SIRPA: variants seen among roughly 807,000 people sequenced by gnomAD.
SIRPA encodes signal regulatory protein alpha.
Under a neutral mutation model 50.3 loss-of-function variants are expected in SIRPA, and 9 were observed. That is an observed-to-expected ratio of 0.18 (90% confidence interval 0.11 to 0.31). The LOEUF is 0.31. Among genes scored for constraint, SIRPA ranks in the 10% least tolerant of loss-of-function variants. SIRPA has a pLI of 1.00. For synonymous variants in SIRPA, 265 were observed against 284.1 expected (o/e 0.93, Z 0.68); for missense variants, 474 against 661.6 (o/e 0.72, Z 3.11).
At chr20:1,919,010 G>C (rs899454808) in intron 2 of SIRPA, among the ~76,000 whole-genome samples, 2 of 152,194 alleles carry the variant, frequency 1.3e-5, no homozygotes, top group African/African-American at 4.8e-5. Flanking sequence ...CAGGAGTTGG[G>C]ACCGAATGAG....
rs967820235 is a variant in SIRPA at position 1,939,705 on chromosome 20, A to C, written c.*2137A>C. The C allele has an allele frequency of 1.3e-5, 2 of 152,662 alleles. No homozygotes were observed. The highest frequency in any genetic ancestry group is 4.8e-5 in the African/African-American group (2 of 41,450). The allele number at this position is 152,662 out of a possible 1,614,324, so 9.5% of individuals were successfully genotyped here. A position where few individuals can be genotyped will look rare whatever the true frequency, so the allele number is the denominator to read the frequency against. On this transcript the variant is annotated 3_prime_UTR_variant, in exon 8 of 8. Coordinates refer to ENST00000358771, the MANE Select transcript of SIRPA (RefSeq NM_001040023.2). The surrounding 1 kb of genome is among the most constrained non-coding windows in gnomAD (Gnocchi z 4.7). Reference sequence around the variant, plus strand: ...TAGCTTTAGCCTGGCAACCTGGAGAATCCACATACCTTGTGTATTGAACCC... The same window carrying C: ...TAGCTTTAGCCTGGCAACCTGGAGACTCCACATACCTTGTGTATTGAACCC...
At chr20:1,922,948 G>A (rs1344148764) in intron 4 of SIRPA, among the ~76,000 whole-genome samples, 1 of 152,140 alleles carries the variant, frequency 6.6e-6, no homozygotes, top group Non-Finnish European at 1.5e-5. Flanking sequence ...CCTGACAGTT[G>A]TCATGCTCCC....
At chr20:1,923,798 G>C (rs180694193) in intron 4 of SIRPA, among the ~76,000 whole-genome samples, 173 of 152,336 alleles carry the variant, frequency 1.1e-3, no homozygotes, top group African/African-American at 3.9e-3. Flanking sequence ...GCCTCTCTCT[G>C]GGCCTCCACT....
chr20:1,931,441 T>A (rs1473007085), intron 6 of SIRPA, among the ~76,000 whole-genome samples: 1 of 152,188 alleles, frequency 6.6e-6, no homozygotes. Flanking sequence ...CTTCTTGCTG[T>A]CTATTTCTTC....
Position 1,927,038 on chromosome 20 carries a change from T to C in SIRPA, c.1202-837T>C, listed in dbSNP as rs1392768510. Among the ~76,000 whole-genome samples, 1 of 152,192 alleles carries C rather than the reference T, an allele frequency of 6.6e-6. No homozygotes were observed. ...CACTTTGCAACCTGTCAGCCTCCAC[T>C]CAGACTTTCGGTGCTGAGCACAGCT... On this transcript the variant is annotated intron_variant, in intron 5 of 7. Coordinates refer to ENST00000358771, the MANE Select transcript of SIRPA (RefSeq NM_001040023.2). The surrounding 1 kb of genome is among the most constrained non-coding windows in gnomAD (Gnocchi z 6.5).
chr20:1,910,446 C>T (rs1984821504), intron 1 of SIRPA, among the ~76,000 whole-genome samples: 1 of 152,222 alleles, frequency 6.6e-6, no homozygotes, highest in Non-Finnish European at 1.5e-5. Flanking sequence ...CATCCTACCT[C>T]AGTCCCATTT....
rs1983969645 is a variant in SIRPA, at chr20:1,898,587, CTT to C, written c.79+3062_79+3063del. On this transcript the variant is annotated intron_variant, in intron 1 of 7. Coordinates refer to ENST00000358771, the MANE Select transcript of SIRPA (RefSeq NM_001040023.2). This position sits in a 1 kb window ranked among gnomAD's most constrained non-coding sequence, Gnocchi z 4.3. ...ATCGAGTCCCAAACTGGGGAACTAACTTATAAGTGATAGAGAGGAGCCAGGAT... is the reference window on the plus strand; with the variant it reads ...ATCGAGTCCCAAACTGGGGAACTAACATAAGTGATAGAGAGGAGCCAGGAT... Among the ~76,000 whole-genome samples, 1 of 152,066 alleles carries C rather than the reference CTT, an allele frequency of 6.6e-6. No individual in the cohort carries two copies. Among genetic ancestry groups the C allele is most frequent in the Non-Finnish European group, 1.5e-5 (1 of 68,024 alleles).
intron 1 of SIRPA, among the ~76,000 whole-genome samples, chr20:1,904,940 T>C (rs139932349): frequency 1.3e-5 from 2 of 152,296 alleles, no homozygotes; most frequent in African/African-American, 4.8e-5. Flanking sequence ...CATGTGCCGC[T>C]TACTGGCTGT....
chr20:1,895,264 AG>A (rs1205218662), upstream of SIRPA: 4,155 of 366,914 alleles, frequency 0.011, 31 homozygotes, highest in Admixed American at 0.016. Context: ...GGGGGCGGGG[AG>A]GGGGGGTCTC....
chr20:1,931,947 C>T (rs1954289493), intron 6 of SIRPA, among the ~76,000 whole-genome samples: 1 of 152,136 alleles, frequency 6.6e-6, no homozygotes, highest in Non-Finnish European at 1.5e-5. Context: ...TTCATTTATT[C>T]GTCGGGACTG....
chr20:1,939,885 GTAA>G lies in SIRPA; in HGVS notation c.*2322_*2324del, dbSNP rs1315143018. On this transcript the variant is annotated 3_prime_UTR_variant, in exon 8 of 8. Transcript: ENST00000358771. This position sits in a 1 kb window ranked among gnomAD's most constrained non-coding sequence, Gnocchi z 4.7. ...ATATTTTTGTAATAAAGATTTCTGGGTAATAATGAGTCCTTCCGGTGTTCAGTA... is the reference window on the plus strand; with the variant it reads ...ATATTTTTGTAATAAAGATTTCTGGGTAATGAGTCCTTCCGGTGTTCAGTA... The G allele has an allele frequency of 6.6e-6, 1 of 152,640 alleles. No homozygotes were observed. The highest frequency in any genetic ancestry group is 1.5e-5 in the Non-Finnish European group (1 of 68,036). 9.5% of individuals were successfully genotyped at this position (152,640 alleles called of 1,614,324 possible). A position where few individuals can be genotyped will look rare whatever the true frequency, so the allele number is the denominator to read the frequency against.
At chr20:1,915,933 C>G (rs1469016324) in intron 2 of SIRPA, among the ~76,000 whole-genome samples, 2 of 152,224 alleles carry the variant, frequency 1.3e-5, no homozygotes, top group African/African-American at 4.8e-5. Context: ...GGGCAGGGAG[C>G]AGAGAGGGTG....
chr20:1,923,116 T>C (rs1985767982), intron 4 of SIRPA, among the ~76,000 whole-genome samples: 2 of 152,246 alleles, frequency 1.3e-5, no homozygotes, highest in Admixed American at 6.5e-5. Context: ...GTGAACATCC[T>C]TGTGCATGTT....
intron 1 of SIRPA, among the ~76,000 whole-genome samples, chr20:1,909,309 T>C (rs1984742290): frequency 6.6e-6 from 1 of 152,198 alleles, no homozygotes; most frequent in Non-Finnish European, 1.5e-5. Context: ...CAAGCTCCCA[T>C]GCAGTGGCAG....
At position 1,938,524 on chromosome 20, in the gene SIRPA, AGTTT is replaced by A. The variant is rs1986723717; in HGVS notation, c.*960_*963del. 6.6e-6 allele frequency: 1 copy of A among 152,642 alleles called. No individual in the cohort carries two copies. The highest frequency in any genetic ancestry group is 1.5e-5 in the Non-Finnish European group (1 of 68,052). The allele number at this position is 152,642 out of a possible 1,614,324, so 9.5% of individuals were successfully genotyped here. On this transcript the variant is annotated 3_prime_UTR_variant, in exon 8 of 8. Transcript: ENST00000358771. ...GGTCTTGTGAAGTCTGAGGTTTAAC[AGTTT>A]GTTGTCCTGGAGGGATTTTCTTACA...
At chr20:1,905,301 G>A (rs571141499) in intron 1 of SIRPA, among the ~76,000 whole-genome samples, 10 of 152,298 alleles carry the variant, frequency 6.6e-5, no homozygotes, top group Non-Finnish European at 1.2e-4. Flanking sequence ...TGAACTGGAG[G>A]GGACCTGTCA....
chr20:1,907,668 G>T (rs1248105939), intron 1 of SIRPA, among the ~76,000 whole-genome samples: 1 of 152,208 alleles, frequency 6.6e-6, no homozygotes, highest in Non-Finnish European at 1.5e-5. Flanking sequence ...CCATGTGCGT[G>T]GTCATTGCTC....
upstream of SIRPA, among the ~76,000 whole-genome samples, chr20:1,894,956 G>C (rs1346901185): frequency 1.4e-5 from 2 of 147,388 alleles, no homozygotes; most frequent in South Asian, 4.2e-4. This position sits in a 1 kb window ranked among gnomAD's most constrained non-coding sequence, Gnocchi z 4.0. Context: ...TGTGGAGCCC[G>C]GGCGGGGCAG....
rs1386722801 is a variant in SIRPA at position 1,927,313 on chromosome 20, ACTTT to A, written c.1202-556_1202-553del. 6.6e-6 allele frequency among the ~76,000 whole-genome samples: 1 copy of A among 152,190 alleles called. No individual in the cohort carries two copies. Among genetic ancestry groups the A allele is most frequent in the Non-Finnish European group, 1.5e-5 (1 of 68,030 alleles). On this transcript the variant is annotated intron_variant, in intron 5 of 7. Transcript: ENST00000358771. The surrounding 1 kb of genome is among the most constrained non-coding windows in gnomAD (Gnocchi z 6.5). ...TTTAAAACCTCTGAACCAGATGGAC[ACTTT>A]CTTTCCTTCCAAGATCCTTTTTTTG...
Sources: allele counts gnomAD v4.1 joint callset (sites outside exome capture counted in the v4.1 genomes callset), GRCh38; gene constraint gnomAD v4.1.1; non-coding constraint Gnocchi (gnomAD v3.1); transcripts MANE v1.5; gene names NCBI Gene and HGNC (gene_info 2026-07-23, HGNC 2026-07-21).